The following PNISR variants were observed in gnomAD, a reference collection of about 807,000 sequenced individuals.
The protein encoded by PNISR is PNN interacting serine and arginine rich protein, also known as arginine/serine-rich protein PNISR.
Under a neutral mutation model 93.4 loss-of-function variants are expected in PNISR, and 20 were observed. The observed-to-expected ratio is 0.21, with a 90% confidence interval of 0.15 to 0.31. PNISR has a LOEUF of 0.31. Ranked by LOEUF, PNISR falls within the 10% of genes least tolerant of loss-of-function variation. The pLI is 1.00. For missense variants in PNISR, 893 were observed against 985.4 expected, an observed-to-expected ratio of 0.91 and a Z score of 1.25; for synonymous variants, 305 against 306.5, an observed-to-expected ratio of 0.99 and a Z score of 0.05.
intron 10 of PNISR, 96 bp downstream of exon 10, chr6:99,403,724 ATAAACTGAG>A: frequency 1.3e-6 from 1 of 775,174 alleles, no homozygotes. Context: ...CTAGGTTTTT[ATAAACTGAG>A]TAGGACTAAT....
At chr6:99,401,781 C>A in intron 11 of PNISR, 151 bp from the exon 12 acceptor site, 1 of 500,246 alleles carries the variant, frequency 2.0e-6, no homozygotes, top group Admixed American at 4.0e-5. Flanking sequence ...TTTTTAGTAA[C>A]CACATTAAAA....
rs888923172 is a variant in PNISR, at chr6:99,399,532, G to A, written c.*1008C>T. On this transcript the variant is annotated 3_prime_UTR_variant, in exon 12 of 12. Coordinates refer to ENST00000369239, the MANE Select transcript of PNISR (RefSeq NM_032870.4). ...TCAAAATGCTTCTAAAACAGAAGTG[G>A]GTGACTGTAGAATATAGTTCCAGAC... 6 of 151,928 alleles carry A rather than the reference G, an allele frequency of 3.9e-5. No homozygotes were observed. Among genetic ancestry groups the A allele is most frequent in the African/African-American group, 1.5e-4 (6 of 41,368 alleles). The allele number at this position is 151,928 out of a possible 1,614,324, so 9.4% of individuals were successfully genotyped here.
At chr6:99,408,293 T>C in intron 6 of PNISR, 22 bp from the exon 7 acceptor site, 2 of 1,533,976 alleles carry the variant, frequency 1.3e-6, no homozygotes, top group East Asian at 2.3e-5. Context: ...GGGAAAAATA[T>C]ACGCAAGTCA....
Position 99,409,090 on chromosome 6 carries a change from A to C in PNISR, c.673+83T>G, listed in dbSNP as rs1010439153. On this transcript the variant is annotated intron_variant, in intron 6 of 11. Coordinates refer to ENST00000369239, the MANE Select transcript of PNISR (RefSeq NM_032870.4). ...CCTAACACATCAGAGATACTCAAAC[A>C]ATTTTAAGAAAACAAGACATCCTTT... 19 of 1,143,804 alleles carry C rather than the reference A, an allele frequency of 1.7e-5. No homozygotes were observed. The South Asian group carries it at 2.5e-4, about 15-fold the overall frequency. 70.9% of individuals were successfully genotyped at this position (1,143,804 alleles called of 1,614,324 possible). A position where few individuals can be genotyped will look rare whatever the true frequency, so the allele number is the denominator to read the frequency against.
intron 1 of PNISR, among the ~76,000 whole-genome samples, chr6:99,418,720 GGTAA>G (rs1452676479): frequency 2.0e-5 from 3 of 152,162 alleles, no homozygotes; most frequent in Non-Finnish European, 4.4e-5. Context: ...AGAAGGTGAT[GGTAA>G]GTTAAGGAAG....
Position 99,425,222 on chromosome 6 carries a change from A to C in PNISR, c.-119T>G, listed in dbSNP as rs1779348963. 3 of 1,231,850 alleles carry C rather than the reference A, an allele frequency of 2.4e-6. No homozygotes were observed. The highest frequency in any genetic ancestry group is 3.0e-6 in the Non-Finnish European group (3 of 987,818). 76.3% of individuals were successfully genotyped at this position (1,231,850 alleles called of 1,614,324 possible). A position where few individuals can be genotyped will look rare whatever the true frequency, so the allele number is the denominator to read the frequency against. Reference sequence around the variant, plus strand: ...TTGTTCTCCATCACTTACCCACTCTAGTTCGGGAACACCCTTGTCGCCGCC... The same window carrying C: ...TTGTTCTCCATCACTTACCCACTCTCGTTCGGGAACACCCTTGTCGCCGCC... On this transcript the variant is annotated 5_prime_UTR_variant, in exon 1 of 12. Transcript: ENST00000369239.
At chr6:99,413,022 T>G (rs1777156031) in intron 3 of PNISR, among the ~76,000 whole-genome samples, 1 of 152,206 alleles carries the variant, frequency 6.6e-6, no homozygotes, top group South Asian at 2.1e-4. Context: ...TTAACCCATT[T>G]CTAATATTAA....
rs1437712348 is a variant in PNISR, at chr6:99,398,269, T to C, written c.*2271A>G. Reference sequence around the variant, plus strand: ...AGGATTGTCTCAAAAATTTGATCTGTTAATTTTCTGGTGGTATTATTTTAG... The same window carrying C: ...AGGATTGTCTCAAAAATTTGATCTGCTAATTTTCTGGTGGTATTATTTTAG... On this transcript the variant is annotated 3_prime_UTR_variant, in exon 12 of 12. Coordinates refer to ENST00000369239, the MANE Select transcript of PNISR (RefSeq NM_032870.4). 1.3e-5 allele frequency: 2 copies of C among 152,160 alleles called. No individual in the cohort carries two copies. The highest frequency in any genetic ancestry group is 2.9e-5 in the Non-Finnish European group (2 of 67,982). 9.4% of individuals were successfully genotyped at this position (152,160 alleles called of 1,614,324 possible).
intron 4 of PNISR, chr6:99,412,152 C>G: frequency 2.4e-6 from 1 of 415,692 alleles, no homozygotes; most frequent in Non-Finnish European, 4.8e-6. Context: ...ATTTGACAGA[C>G]TAATTTGTCA....
intron 4 of PNISR, 48 bp from the exon 5 acceptor site, chr6:99,411,012 A>C: frequency 7.3e-7 from 1 of 1,362,818 alleles, no homozygotes; most frequent in Non-Finnish European, 1.0e-6. Context: ...GTTATAACAA[A>C]ATCAACACAG....
chr6:99,421,504 A>T (rs541559454), intron 1 of PNISR, among the ~76,000 whole-genome samples: 14 of 152,296 alleles, frequency 9.2e-5, no homozygotes, highest in South Asian at 2.1e-4. Context: ...AAGGAGACAT[A>T]AGACACTTAC....
At chr6:99,408,023 A>T in intron 7 of PNISR, 58 bp downstream of exon 7, 1 of 1,272,524 alleles carries the variant, frequency 7.9e-7, no homozygotes. Flanking sequence ...CTATTTCAGT[A>T]AAGTTTTCAC....
intron 7 of PNISR, among the ~76,000 whole-genome samples, chr6:99,407,374 T>C (rs1307125739): frequency 1.3e-5 from 2 of 151,920 alleles, no homozygotes; most frequent in Non-Finnish European, 2.9e-5. Context: ...TAGCAGTGTC[T>C]TTCTGTTGCT....
At chr6:99,420,853 T>C (rs1184655195) in intron 1 of PNISR, among the ~76,000 whole-genome samples, 5 of 152,356 alleles carry the variant, frequency 3.3e-5, no homozygotes, top group Non-Finnish European at 2.9e-5. Flanking sequence ...TAAATTTTCA[T>C]GTTTTTGTCT....
intron 1 of PNISR, among the ~76,000 whole-genome samples, chr6:99,419,083 G>C (rs1165370755): frequency 7.3e-6 from 1 of 137,752 alleles, no homozygotes; most frequent in Non-Finnish European, 1.5e-5. Context: ...CCGGGAGGTG[G>C]AAGTCGCAGT....
At chr6:99,409,106 G>T in intron 6 of PNISR, 67 bp downstream of exon 6, 1 of 1,256,364 alleles carries the variant, frequency 8.0e-7, no homozygotes, top group Non-Finnish European at 1.2e-6. Flanking sequence ...AAGAAAACAA[G>T]ACATCCTTTT....
intron 5 of PNISR, chr6:99,410,090 T>C (rs761734739): frequency 3.3e-5 from 5 of 152,254 alleles, no homozygotes; most frequent in Non-Finnish European, 5.9e-5. Context: ...TAAATTATGA[T>C]AGCAGTTTAT....
intron 3 of PNISR, among the ~76,000 whole-genome samples, chr6:99,412,968 T>C (rs1039296382): frequency 1.4e-5 from 2 of 147,688 alleles, no homozygotes; most frequent in Non-Finnish European, 3.1e-5. Flanking sequence ...AAAAATAATA[T>C]AAACTACTTA....
intron 4 of PNISR, chr6:99,412,036 ATAAAACAAACAAAAAAG>A: frequency 3.2e-6 from 1 of 314,324 alleles, no homozygotes; most frequent in South Asian, 2.8e-5. Flanking sequence ...ATACTGTGAA[ATAAAACAAACAAAAAAG>A]TAAAACACAC....
Sources: allele counts gnomAD v4.1 joint callset (sites outside exome capture counted in the v4.1 genomes callset), GRCh38; gene constraint gnomAD v4.1.1; transcripts MANE v1.5; gene names NCBI Gene and HGNC (gene_info 2026-07-23, HGNC 2026-07-21).